NXNL1: variants seen among roughly 807,000 people sequenced by gnomAD.
NXNL1 encodes the protein nucleoredoxin like 1.
In NXNL1, 6 loss-of-function variants were observed where a neutral mutation model predicts 7.2. The ratio of observed to expected loss-of-function variants is 0.83; its 90% CI spans 0.46 to 1.64. The LOEUF (loss-of-function observed/expected upper bound fraction) is 1.64, where lower values mean the gene tolerates loss of function less well. Among genes scored for constraint, NXNL1 ranks in the 40% most tolerant of loss-of-function variants. NXNL1 has a pLI of 0.01. For missense variants in NXNL1, 308 were observed against 285.1 expected, an observed-to-expected ratio of 1.08 and a Z score of -0.58; for synonymous variants, 133 against 127.2, an observed-to-expected ratio of 1.05 and a Z score of -0.31.
At chr19:17,457,164 G>A (rs1480668657) in intron 1 of NXNL1, among the ~76,000 whole-genome samples, 1 of 151,548 alleles carries the variant, frequency 6.6e-6, no homozygotes, top group Admixed American at 6.6e-5. Flanking sequence ...TTGGGAGGCC[G>A]AGGTGGGAGG....
intron 1 of NXNL1, among the ~76,000 whole-genome samples, chr19:17,458,697 G>A: frequency 6.7e-6 from 1 of 148,868 alleles, no homozygotes; most frequent in African/African-American, 2.5e-5. Flanking sequence ...CGCCTCCCGG[G>A]TTCAAGCGAT....
intron 1 of NXNL1, among the ~76,000 whole-genome samples, chr19:17,459,110 A>G (rs1208430518): frequency 3.9e-5 from 6 of 152,060 alleles, no homozygotes; most frequent in Non-Finnish European, 8.8e-5. Flanking sequence ...CTCTGTTCTA[A>G]TGTCCACCAT....
chr19:17,455,987 G>A (rs1214697525), intron 1 of NXNL1, 28 bp from the exon 2 acceptor site: 4 of 1,597,034 alleles, frequency 2.5e-6, no homozygotes, highest in Non-Finnish European at 3.4e-6. Context: ...CAGTCTGGAC[G>A]GATCCACATC....
rs766621755 is a variant in NXNL1, at chr19:17,460,603, C to G, written c.267G>C (p.Leu89=). The stretch of plus-strand genomic sequence containing the variant: ...ATTTCTTTGGCATGTCCTTGAGGAA[C>G]AGGTCCTGCTGCTCCTCCGTGGAGT... The part of the protein sequence containing the change: ...SQDSTEEQQD[L]FLKDMPKKWL... The change falls in exon 1 of 2, where the codon CTG becomes CTC. Residue 89 remains leucine (L), a synonymous_variant. Coordinates refer to ENST00000301944, the MANE Select transcript of NXNL1 (RefSeq NM_138454.2). 3 of 1,609,022 alleles carry G rather than the reference C, an allele frequency of 1.9e-6. No individual in the cohort carries two copies. Among genetic ancestry groups the G allele is most frequent in the Non-Finnish European group, 2.5e-6 (3 of 1,180,004 alleles).
chr19:17,455,667 CGCCCTCCTCCCCA>C lies in NXNL1; in HGVS notation c.606_618del (p.Glu204ProfsTer56). The stretch of plus-strand genomic sequence containing the variant: ...GCGGGTCAGAACAGCCCCCCGGCCC[CGCCCTCCTCCCCA>C]CCCCCTCCCCCGGGGTCGCGCCCGC... On this transcript the variant is annotated frameshift_variant, in exon 2 of 2. Coordinates refer to ENST00000301944, the MANE Select transcript of NXNL1 (RefSeq NM_138454.2). LOFTEE classifies it high-confidence loss of function. 1.0e-5 allele frequency: 8 copies of C among 787,770 alleles called. No individual in the cohort carries two copies. Among genetic ancestry groups the C allele is most frequent in the Admixed American group, 4.6e-5 (2 of 43,742 alleles). The allele number at this position is 787,770 out of a possible 1,614,324, so 48.8% of individuals were successfully genotyped here. A position where few individuals can be genotyped will look rare whatever the true frequency, so the allele number is the denominator to read the frequency against.
rs773812355 is a variant in NXNL1 at position 17,455,778 on chromosome 19, C to T, written c.508G>A (p.Glu170Lys). ...GTGAGGCTCCGTGGCTCCTGGTCCT[C>T]CAGGTCCTCTGGCAGCTGGAAGTTG... ...DRNFQLPEDL[E>K]DQEPRSLTEC... The change falls in exon 2 of 2, where the codon GAG becomes AAG. Residue 170 changes from glutamate (E) to lysine (K), a missense_variant. By Grantham distance (56) the Glu-to-Lys change is moderately conservative (BLOSUM62 1). Transcript: ENST00000301944. 7.1e-6 allele frequency: 11 copies of T among 1,550,702 alleles called. No individual in the cohort carries two copies. In the Admixed American group the frequency reaches 1.3e-4, roughly 19 times the overall value.
At chr19:17,456,187 G>A (rs4808646) in intron 1 of NXNL1, among the ~76,000 whole-genome samples, 47,256 of 151,730 alleles carry the variant, frequency 0.31, 7,582 homozygotes, top group Non-Finnish European at 0.34. Flanking sequence ...TGTGCTGGCT[G>A]TGCCCACGTC....
In NXNL1 at chr19:17,455,793, G is replaced by A. The variant is rs1159062847; in HGVS notation, c.493C>T (p.Leu165=). 2.6e-6 allele frequency: 4 copies of A among 1,561,522 alleles called. No homozygotes were observed. The highest frequency in any genetic ancestry group is 1.2e-5 in the South Asian group (1 of 85,884). The change falls in exon 2 of 2, where the codon CTG becomes TTG. Residue 165 remains leucine, a synonymous_variant. Coordinates refer to ENST00000301944, the MANE Select transcript of NXNL1 (RefSeq NM_138454.2). ...TCCTGGTCCTCCAGGTCCTCTGGCA[G>A]CTGGAAGTTGCGGTCCAGCACCTCG... ...AAEVLDRNFQ[L]PEDLEDQEPR...
Position 17,455,791 on chromosome 19 carries a change from C to T in NXNL1, c.495G>A (p.Leu165=). ...GCTCCTGGTCCTCCAGGTCCTCTGGCAGCTGGAAGTTGCGGTCCAGCACCT... is the reference window on the plus strand; with the variant it reads ...GCTCCTGGTCCTCCAGGTCCTCTGGTAGCTGGAAGTTGCGGTCCAGCACCT... ...AAEVLDRNFQ[L]PEDLEDQEPR... The change falls in exon 2 of 2, where the codon CTG becomes CTA. Residue 165 remains leucine, a synonymous_variant. Transcript: ENST00000301944. 1 of 1,559,922 alleles carries T rather than the reference C, an allele frequency of 6.4e-7. No homozygotes were observed. The highest frequency in any genetic ancestry group is 8.6e-7 in the Non-Finnish European group (1 of 1,157,618).
chr19:17,460,428 G>C, intron 1 of NXNL1, 116 bp downstream of exon 1: 2 of 1,133,044 alleles, frequency 1.8e-6, no homozygotes, highest in Non-Finnish European at 2.5e-6. Flanking sequence ...GTACCCCCTA[G>C]TTCCCAGTAT....
At chr19:17,459,642 T>A (rs2075005660) in intron 1 of NXNL1, among the ~76,000 whole-genome samples, 1 of 152,158 alleles carries the variant, frequency 6.6e-6, no homozygotes, top group Non-Finnish European at 1.5e-5. Flanking sequence ...AGTCTCGAAC[T>A]CCTGACCTCA....
rs959792596 is a variant in NXNL1, at chr19:17,455,789, G to A, written c.497C>T (p.Pro166Leu). 1.9e-6 allele frequency: 3 copies of A among 1,558,446 alleles called. No homozygotes were observed. In the African/African-American group the frequency reaches 4.1e-5, roughly 21 times the overall value. ...TGGCTCCTGGTCCTCCAGGTCCTCT[G>A]GCAGCTGGAAGTTGCGGTCCAGCAC... ...AEVLDRNFQL[P>L]EDLEDQEPRS... is the part of the protein sequence containing the mutation. Residue 166 changes from proline (P) to leucine (L), a missense_variant, in exon 2 of 2, where the codon CCA becomes CTA. By Grantham distance (98) the Pro-to-Leu change is moderately conservative. Coordinates refer to ENST00000301944, the MANE Select transcript of NXNL1 (RefSeq NM_138454.2).
chr19:17,458,450 C>T (rs1283104641), intron 1 of NXNL1, among the ~76,000 whole-genome samples: 1 of 151,480 alleles, frequency 6.6e-6, no homozygotes, highest in African/African-American at 2.4e-5. Context: ...CCTCGTGATC[C>T]GCCCGCCTCG....
At chr19:17,456,046 C>A in intron 1 of NXNL1, 87 bp from the exon 2 acceptor site, 1 of 1,560,958 alleles carries the variant, frequency 6.4e-7, no homozygotes, top group Admixed American at 1.9e-5. Context: ...AGTACTTAGG[C>A]AGCGCCTTCT....
rs779889890 is a variant in NXNL1 at position 17,460,816 on chromosome 19, G to T, written c.54C>A (p.Asp18Glu). 1.9e-6 allele frequency: 3 copies of T among 1,613,676 alleles called. No homozygotes were observed. Among genetic ancestry groups the T allele is most frequent in the Non-Finnish European group, 2.5e-6 (3 of 1,180,036 alleles). ...TGACCTCAGCCTCCGTATCCAGCTC[G>T]TCCTGGTCGCTATTGTTGCGGATCA... ...RILIRNNSDQ[D>E]ELDTEAEVSR... The change falls in exon 1 of 2, where the codon GAC becomes GAA. Residue 18 changes from aspartate to glutamate, a missense_variant. Asp to Glu is a conservative substitution (Grantham distance 45). Coordinates refer to ENST00000301944, the MANE Select transcript of NXNL1 (RefSeq NM_138454.2).
chr19:17,460,857 A>C lies in NXNL1; in HGVS notation c.13T>G (p.Phe5Val). 6.2e-7 allele frequency: 1 copy of C among 1,613,304 alleles called. No individual in the cohort carries two copies. Among genetic ancestry groups the C allele is most frequent in the Admixed American group, 1.7e-5 (1 of 59,992 alleles). The change falls in exon 1 of 2, where the codon TTC (phenylalanine) becomes GTC (valine). Residue 5 changes from phenylalanine to valine, a missense_variant. By Grantham distance (50) the Phe-to-Val change is conservative. Transcript: ENST00000301944. ...TTGCGGATCAGGATGCGGCCAGAGA[A>C]CAGGGAGGCCATGGTAACCTGGGTT... MASL[F>V]SGRILIRNNS...
Position 17,455,960 on chromosome 19 carries a change from C to T in NXNL1, c.327-1G>A, listed in dbSNP as rs376064332. The T allele has an allele frequency of 5.8e-5, 92 of 1,597,642 alleles. 1 individual carries two copies. The highest frequency in any genetic ancestry group is 4.1e-4 in the South Asian group (37 of 91,022). ...CACTGAGAACTGGCGCCCGAGGTCCCTGCGGAGCGGGCAGGTCAGTCTGGA... is the reference window on the plus strand; with the variant it reads ...CACTGAGAACTGGCGCCCGAGGTCCTTGCGGAGCGGGCAGGTCAGTCTGGA... On this transcript the variant is annotated splice_acceptor_variant, in intron 1 of 1. Coordinates refer to ENST00000301944, the MANE Select transcript of NXNL1 (RefSeq NM_138454.2). LOFTEE classifies it high-confidence loss of function.
intron 1 of NXNL1, 92 bp from the exon 2 acceptor site, chr19:17,456,051 C>T (rs2074992244): frequency 1.3e-6 from 2 of 1,552,064 alleles, no homozygotes; most frequent in African/African-American, 1.4e-5. Flanking sequence ...TTAGGCAGCG[C>T]CTTCTGTGTG....
intron 1 of NXNL1, among the ~76,000 whole-genome samples, 174 bp from the exon 2 acceptor site, chr19:17,456,133 G>A (rs1016855388): frequency 5.3e-5 from 8 of 152,006 alleles, no homozygotes; most frequent in South Asian, 4.1e-4. Context: ...TGGTCCCCGC[G>A]CTTTGTCTCC....
Sources: gnomAD v4.1 joint callset for allele counts (sites outside exome capture counted in the v4.1 genomes callset) on GRCh38, gnomAD v4.1.1 for gene constraint, MANE v1.5 for transcripts, NCBI Gene and HGNC (gene_info 2026-07-23, HGNC 2026-07-21) for gene names.